COX7B2: variants seen among roughly 807,000 people sequenced by gnomAD.
COX7B2 encodes cytochrome c oxidase subunit 7B2, mitochondrial.
For missense variants in COX7B2, 109 were observed against 95.9 expected (o/e 1.14, Z -0.57); for synonymous variants, 37 against 32.1 (o/e 1.15, Z -0.51).
intron 1 of COX7B2, among the ~76,000 whole-genome samples, chr4:46,900,769 A>T (rs2109894661): frequency 6.6e-6 from 1 of 152,246 alleles, no homozygotes; most frequent in South Asian, 2.1e-4. Context: ...TACAGCAAGA[A>T]GATGTCATTT....
intron 2 of COX7B2, among the ~76,000 whole-genome samples, chr4:46,787,076 G>T (rs764853536): frequency 1.3e-5 from 2 of 152,192 alleles, no homozygotes; most frequent in Admixed American, 1.3e-4. Context: ...AGGAAGGAAT[G>T]GAAGAGTAAG....
chr4:46,762,647 T>C (rs1716257169), intron 2 of COX7B2, among the ~76,000 whole-genome samples: 2 of 149,582 alleles, frequency 1.3e-5, no homozygotes, highest in South Asian at 2.1e-4. Context: ...TATTTGAGCG[T>C]ATTGTCCATG....
At chr4:46,854,515 A>G (rs1414033722) in intron 1 of COX7B2, among the ~76,000 whole-genome samples, 1 of 152,222 alleles carries the variant, frequency 6.6e-6, no homozygotes, top group Non-Finnish European at 1.5e-5. Flanking sequence ...CACTGCTGAA[A>G]GTTCTATTGG....
chr4:46,889,407 A>G (rs1336614772), intron 1 of COX7B2, among the ~76,000 whole-genome samples: 4 of 152,206 alleles, frequency 2.6e-5, no homozygotes, highest in Non-Finnish European at 4.4e-5. Context: ...ACAATACTAC[A>G]TTCTTCTTCA....
intron 2 of COX7B2, among the ~76,000 whole-genome samples, chr4:46,785,850 C>T (rs1484229017): frequency 6.6e-6 from 1 of 151,812 alleles, no homozygotes; most frequent in Non-Finnish European, 1.5e-5. Context: ...TCTCCATCCA[C>T]CAATCCAATA....
rs1577667510 is a variant in COX7B2, at chr4:46,756,025, C to A, written c.-49-20784G>T. ...CCAAAGAAATCCTAACCAAAAAGAA[C>A]AAAGCTGGAGGCATCACATTCTCTG... On this transcript the variant is annotated intron_variant, in intron 2 of 2. Transcript: ENST00000355591. Among the ~76,000 whole-genome samples, 9 of 151,874 alleles carry A rather than the reference C, an allele frequency of 5.9e-5. No homozygotes were observed. In the South Asian group the frequency reaches 1.9e-3, roughly 32 times the overall value.
intron 1 of COX7B2, among the ~76,000 whole-genome samples, chr4:46,875,974 T>A (rs1389367757): frequency 6.6e-6 from 1 of 152,178 alleles, no homozygotes; most frequent in Non-Finnish European, 1.5e-5. Context: ...GAAGTTTATA[T>A]GCTGCTCTGC....
chr4:46,757,848 T>G (rs969456323), intron 2 of COX7B2, among the ~76,000 whole-genome samples: 10 of 152,046 alleles, frequency 6.6e-5, no homozygotes, highest in Admixed American at 3.9e-4. Flanking sequence ...AGAAAGGCAA[T>G]TATAACCAGA....
At chr4:46,756,150 T>A (rs1715784324) in intron 2 of COX7B2, among the ~76,000 whole-genome samples, 1 of 151,926 alleles carries the variant, frequency 6.6e-6, no homozygotes, top group Non-Finnish European at 1.5e-5. Context: ...GACCCAGAAA[T>A]AAAGCCACTT....
intron 1 of COX7B2, among the ~76,000 whole-genome samples, chr4:46,906,187 G>A (rs62303668): frequency 6.6e-6 from 1 of 152,072 alleles, no homozygotes; most frequent in Non-Finnish European, 1.5e-5. Context: ...TTATGGAATT[G>A]ATAAGCTGGT....
chr4:46,856,921 G>A (rs1181068801), intron 1 of COX7B2, among the ~76,000 whole-genome samples: 1 of 152,252 alleles, frequency 6.6e-6, no homozygotes, highest in Middle Eastern at 3.4e-3. Context: ...TGGTGACTAG[G>A]AATAAAATAA....
At chr4:46,821,621 C>T (rs1388775493) in intron 2 of COX7B2, among the ~76,000 whole-genome samples, 1 of 152,094 alleles carries the variant, frequency 6.6e-6, no homozygotes, top group Non-Finnish European at 1.5e-5. Context: ...ACCTATACTA[C>T]ACATGTAGGA....
intron 1 of COX7B2, 116 bp downstream of exon 1, chr4:46,909,044 C>G (rs544276320): frequency 2.1e-3 from 261 of 122,836 alleles, no homozygotes; most frequent in African/African-American, 7.6e-3. Context: ...GACTCCGTCT[C>G]AAAAAAAAAA....
chr4:46,788,984 T>C (rs1470075424), intron 2 of COX7B2, among the ~76,000 whole-genome samples: 2 of 152,188 alleles, frequency 1.3e-5, no homozygotes, highest in African/African-American at 4.8e-5. Context: ...ATCTGCTTGT[T>C]CCATTTTCTG....
intron 2 of COX7B2, among the ~76,000 whole-genome samples, chr4:46,838,108 A>C (rs147897676): frequency 4.0e-4 from 61 of 152,152 alleles, no homozygotes; most frequent in African/African-American, 1.4e-3. Flanking sequence ...AGTTTCAAAA[A>C]ATTTGTGGGT....
At chr4:46,901,915 G>A (rs1720088931) in intron 1 of COX7B2, among the ~76,000 whole-genome samples, 1 of 152,196 alleles carries the variant, frequency 6.6e-6, no homozygotes, top group Admixed American at 6.5e-5. Context: ...TACATTTAAG[G>A]AGTCCGTCTG....
rs552312206 is a variant in COX7B2 at position 46,785,985 on chromosome 4, T to G, written c.-49-50744A>C. Among the ~76,000 whole-genome samples, 187 of 152,312 alleles carry G rather than the reference T, an allele frequency of 1.2e-3. 1 individual carries two copies. The highest frequency in any genetic ancestry group is 4.3e-3 in the African/African-American group (177 of 41,566). On this transcript the variant is annotated intron_variant, in intron 2 of 2. Coordinates refer to ENST00000355591, the MANE Select transcript of COX7B2 (RefSeq NM_130902.3). ...AAAAATGCTTATTCAAAGTGACTGA[T>G]ACAGTTAAATGCAATAGATAGAAGC... is the stretch of plus-strand genomic sequence containing the variant.
intron 2 of COX7B2, among the ~76,000 whole-genome samples, chr4:46,807,903 C>G (rs1057381955): frequency 4.0e-5 from 6 of 151,720 alleles, no homozygotes; most frequent in Non-Finnish European, 8.9e-5. Flanking sequence ...CATGCCAGTA[C>G]CATGCTGTTT....
intron 2 of COX7B2, among the ~76,000 whole-genome samples, chr4:46,753,778 C>G (rs1715564127): frequency 6.6e-6 from 1 of 151,950 alleles, no homozygotes; most frequent in South Asian, 2.1e-4. Context: ...GAACAGGCAA[C>G]CTACAGAATG....
Sources: gnomAD v4.1 joint callset for allele counts (sites outside exome capture counted in the v4.1 genomes callset) on GRCh38, gnomAD v4.1.1 for gene constraint, MANE v1.5 for transcripts, NCBI Gene and HGNC (gene_info 2026-07-23, HGNC 2026-07-21) for gene names.